ZMYND11: variants seen among roughly 807,000 people sequenced by gnomAD.
The protein encoded by ZMYND11 is zinc finger MYND-type containing 11, also known as zinc finger MYND domain-containing protein 11.
In ZMYND11, 9 loss-of-function variants were observed where a neutral mutation model predicts 84.9. The ratio of observed to expected loss-of-function variants is 0.11; its 90% CI spans 0.06 to 0.18. The LOEUF (loss-of-function observed/expected upper bound fraction) is 0.18. Among genes scored for constraint, ZMYND11 ranks in the 10% least tolerant of loss-of-function variants. The probability of loss-of-function intolerance (pLI) is 1.00; values close to 1 mark genes in which losing one functional copy is unlikely to be tolerated. For missense variants in ZMYND11, 409 were observed against 761.0 expected (o/e 0.54, Z 5.44); for synonymous variants, 250 against 244.1 (o/e 1.02, Z -0.23).
At chr10:200,044 C>T (rs1030349953) in intron 2 of ZMYND11, among the ~76,000 whole-genome samples, 1 of 151,318 alleles carries the variant, frequency 6.6e-6, no homozygotes, top group African/African-American at 2.4e-5. Context: ...AAGAAAATAC[C>T]TCAGATTTTC....
chr10:162,341 T>G (rs1328347474), intron 1 of ZMYND11, among the ~76,000 whole-genome samples: 1 of 152,174 alleles, frequency 6.6e-6, no homozygotes, highest in African/African-American at 2.4e-5. Context: ...GTCTGAAATA[T>G]TGTGATACTT....
At chr10:247,634 C>T (rs980730327) in intron 12 of ZMYND11, among the ~76,000 whole-genome samples, 168 bp downstream of exon 12, 2 of 152,196 alleles carry the variant, frequency 1.3e-5, no homozygotes, top group African/African-American at 4.8e-5. Flanking sequence ...AGTCTTCTGA[C>T]TTCCCTGTCA....
At chr10:187,882 CAGCG>C (rs1939170560) in intron 2 of ZMYND11, among the ~76,000 whole-genome samples, 2 of 152,148 alleles carry the variant, frequency 1.3e-5, no homozygotes, top group Non-Finnish European at 2.9e-5. Context: ...TTTGGCCTAT[CAGCG>C]AAAACATTTT....
At chr10:245,402 T>C (rs1951915002) in intron 10 of ZMYND11, among the ~76,000 whole-genome samples, 1 of 152,122 alleles carries the variant, frequency 6.6e-6, no homozygotes, top group South Asian at 2.1e-4. Flanking sequence ...CCCTAAGAGA[T>C]TCCTTCCAAC....
upstream of ZMYND11, among the ~76,000 whole-genome samples, chr10:130,240 A>G (rs1835285559): frequency 6.6e-6 from 1 of 152,196 alleles, no homozygotes; most frequent in African/African-American, 2.4e-5. Flanking sequence ...GCTAAAGATC[A>G]AAAGCCAGGA....
At chr10:191,631 T>C (rs1215945919) in intron 2 of ZMYND11, among the ~76,000 whole-genome samples, 1 of 152,236 alleles carries the variant, frequency 6.6e-6, no homozygotes, top group Non-Finnish European at 1.5e-5. Flanking sequence ...CCATGCAATT[T>C]TGAAATATTT....
intron 5 of ZMYND11, 39 bp from the exon 6 acceptor site, chr10:237,546 T>G (rs761010369): frequency 7.4e-7 from 1 of 1,343,402 alleles, no homozygotes; most frequent in Non-Finnish European, 1.0e-6. Flanking sequence ...CCTGCCTTCC[T>G]TTAACCACAT....
intron 1 of ZMYND11, among the ~76,000 whole-genome samples, chr10:171,306 A>G (rs782241758): frequency 6.6e-6 from 1 of 152,200 alleles, no homozygotes; most frequent in Admixed American, 6.6e-5. Flanking sequence ...ACTCAAAAAC[A>G]TCAATCAACT....
At chr10:151,122 C>T (rs1422760586) in intron 1 of ZMYND11, among the ~76,000 whole-genome samples, 2 of 152,146 alleles carry the variant, frequency 1.3e-5, no homozygotes, top group Non-Finnish European at 2.9e-5. Context: ...GGGGAAAAAA[C>T]AGAGCAGAAA....
chr10:140,683 C>T (rs782040260), intron 1 of ZMYND11, among the ~76,000 whole-genome samples: 6 of 152,130 alleles, frequency 3.9e-5, no homozygotes, highest in Non-Finnish European at 7.4e-5. Context: ...GAATTTAGCA[C>T]ATTGGAAAAT....
At chr10:237,711 A>G (rs899727847) in intron 6 of ZMYND11, 34 bp downstream of exon 6, 2 of 1,520,018 alleles carry the variant, frequency 1.3e-6, no homozygotes, top group African/African-American at 2.8e-5. Flanking sequence ...CACTTCAAGT[A>G]CATTTTCTTA....
chr10:207,401 G>T (rs542508142), intron 2 of ZMYND11, among the ~76,000 whole-genome samples: 129 of 152,274 alleles, frequency 8.5e-4, no homozygotes, highest in African/African-American at 3.0e-3. Context: ...CTAGATCCCT[G>T]GGGAATCGCC....
In ZMYND11 at chr10:164,316, G is replaced by A. The variant is rs542245332; in HGVS notation, c.-19-15678G>A. ...TGGCTAGCTCTCTTTCACTATTTAA[G>A]TCTTTCCTCATGTGTAATCTCCTTG... On this transcript the variant is annotated intron_variant, in intron 1 of 14. Transcript: ENST00000381604. Among the ~76,000 whole-genome samples, 5 of 152,138 alleles carry A rather than the reference G, an allele frequency of 3.3e-5. No individual in the cohort carries two copies. In the East Asian group the frequency reaches 7.7e-4, roughly 24 times the overall value.
chr10:171,886 C>T (rs571401482), intron 1 of ZMYND11, among the ~76,000 whole-genome samples: 1 of 152,190 alleles, frequency 6.6e-6, no homozygotes, highest in Admixed American at 6.5e-5. Context: ...CTGTCTTACT[C>T]TATTCCTGCT....
At chr10:157,848 C>G (rs1166350716) in intron 1 of ZMYND11, among the ~76,000 whole-genome samples, 1 of 152,178 alleles carries the variant, frequency 6.6e-6, no homozygotes, top group African/African-American at 2.4e-5. Flanking sequence ...CAAAAAGAAA[C>G]CCCAGATCCA....
intron 1 of ZMYND11, among the ~76,000 whole-genome samples, chr10:172,238 C>T (rs542276333): frequency 4.7e-4 from 72 of 152,216 alleles, no homozygotes; most frequent in Non-Finnish European, 9.0e-4. Flanking sequence ...AACATTCAAA[C>T]TGCAGTACTA....
chr10:248,694 T>C lies in ZMYND11; in HGVS notation c.1500+86T>C. On this transcript the variant is annotated intron_variant, in intron 13 of 14. Transcript: ENST00000381604. ...TCCTTTCACTCATGCATCAACCCAGTAGCAGCTTTTACATGTAGCCATATA... is the reference window on the plus strand; with the variant it reads ...TCCTTTCACTCATGCATCAACCCAGCAGCAGCTTTTACATGTAGCCATATA... 5 of 1,471,912 alleles carry C rather than the reference T, an allele frequency of 3.4e-6. No homozygotes were observed. The South Asian group carries it at 7.0e-5, about 21-fold the overall frequency. 91.2% of individuals were successfully genotyped at this position (1,471,912 alleles called of 1,614,324 possible). A position where few individuals can be genotyped will look rare whatever the true frequency, so the allele number is the denominator to read the frequency against.
At chr10:155,162 AAG>A (rs1189038915) in intron 1 of ZMYND11, among the ~76,000 whole-genome samples, 2 of 152,236 alleles carry the variant, frequency 1.3e-5, no homozygotes, top group Non-Finnish European at 2.9e-5. Flanking sequence ...TATGCTGAAA[AAG>A]GTACTTTTTT....
intron 5 of ZMYND11, among the ~76,000 whole-genome samples, chr10:237,299 A>AT (rs376088453): frequency 5.3e-5 from 8 of 152,170 alleles, no homozygotes; most frequent in African/African-American, 1.7e-4. Context: ...GTATATGTAC[A>AT]TTTTTTCTGT....
Sources: allele counts gnomAD v4.1 joint callset (sites outside exome capture counted in the v4.1 genomes callset), GRCh38; gene constraint gnomAD v4.1.1; transcripts MANE v1.5; gene names NCBI Gene and HGNC (gene_info 2026-07-23, HGNC 2026-07-21).